WNT6: variants seen among roughly 807,000 people sequenced by gnomAD.
WNT6 encodes the protein Wnt family member 6.
WNT6 carries 27 observed loss-of-function variants against 33.1 expected under a neutral mutation model. The observed-to-expected ratio is 0.82, with a 90% confidence interval of 0.60 to 1.12. The LOEUF is 1.12. Among genes scored for constraint, WNT6 ranks in the 50% most tolerant of loss-of-function variants. WNT6 has a pLI of 0.00. For synonymous variants in WNT6, 249 were observed against 242.8 expected (o/e 1.03, Z -0.24); for missense variants, 494 against 535.3 (o/e 0.92, Z 0.76).
intron 1 of WNT6, among the ~76,000 whole-genome samples, chr2:218,864,245 G>GT (rs1427003535): frequency 6.6e-6 from 1 of 151,964 alleles, no homozygotes; most frequent in Non-Finnish European, 1.5e-5. Flanking sequence ...TCTTTCCTCT[G>GT]TTTTTTTCTT....
At chr2:218,870,858 C>T (rs921837276) in intron 1 of WNT6, among the ~76,000 whole-genome samples, 169 bp from the exon 2 acceptor site, 2 of 152,264 alleles carry the variant, frequency 1.3e-5, no homozygotes, top group African/African-American at 2.4e-5. Context: ...GGGACACAGA[C>T]ATGGACTAGC....
At chr2:218,861,821 T>G (rs1944312524) in intron 1 of WNT6, among the ~76,000 whole-genome samples, 1 of 152,174 alleles carries the variant, frequency 6.6e-6, no homozygotes, top group African/African-American at 2.4e-5. Flanking sequence ...TTGCCTTCTC[T>G]GCGCTCCCAC....
Position 218,867,254 on chromosome 2 carries a change from C to A in WNT6, c.81-3773C>A, listed in dbSNP as rs139741270. Among the ~76,000 whole-genome samples the A allele has an allele frequency of 6.6e-6, 1 of 152,296 alleles. No individual in the cohort carries two copies. Among genetic ancestry groups the A allele is most frequent in the Admixed American group, 6.5e-5 (1 of 15,294 alleles). On this transcript the variant is annotated intron_variant, in intron 1 of 3. Transcript: ENST00000233948. The surrounding 1 kb of genome is among the most constrained non-coding windows in gnomAD (Gnocchi z 4.9). ...GTGTCTTGCAATAGGGATCCCTCCA[C>A]CAGTGGCCAGAGTCAGTCGCCTCCT...
In WNT6 at chr2:218,871,709, G is replaced by A; in HGVS notation, c.526G>A (p.Val176Met). 8.2e-6 allele frequency: 13 copies of A among 1,587,586 alleles called. No homozygotes were observed. The highest frequency in any genetic ancestry group is 1.1e-5 in the Non-Finnish European group (13 of 1,168,180). Residue 176 changes from valine (V) to methionine (M), a missense_variant, in exon 3 of 4, where the codon GTG becomes ATG. Transcript: ENST00000233948. The surrounding 1 kb of genome is among the most constrained non-coding windows in gnomAD (Gnocchi z 6.4). ...GGAGTGGGGAGGCTGCGGCGACGAC[G>A]TGGACTTCGGGGACGAGAAGTCGAG... ...AWEWGGCGDD[V>M]DFGDEKSRLF...
Position 218,873,315 on chromosome 2 carries a change from G to T in WNT6, c.637-69G>T. On this transcript the variant is annotated intron_variant, in intron 3 of 3. Coordinates refer to ENST00000233948, the MANE Select transcript of WNT6 (RefSeq NM_006522.4). This position sits in a 1 kb window ranked among gnomAD's most constrained non-coding sequence, Gnocchi z 6.1. ...CCTCCCATTCCCAATCTTATTTTCT[G>T]TCCATCCGCTGGGCCCTTCCCTGCA... 1.4e-6 allele frequency: 2 copies of T among 1,412,392 alleles called. No homozygotes were observed. Among genetic ancestry groups the T allele is most frequent in the East Asian group, 2.6e-5 (1 of 38,270 alleles). 87.5% of individuals were successfully genotyped at this position (1,412,392 alleles called of 1,614,324 possible). A position where few individuals can be genotyped will look rare whatever the true frequency, so the allele number is the denominator to read the frequency against.
intron 1 of WNT6, among the ~76,000 whole-genome samples, chr2:218,865,471 T>C (rs531975698): frequency 5.3e-5 from 8 of 152,310 alleles, no homozygotes; most frequent in Admixed American, 3.9e-4. Context: ...AGAAAGTAGA[T>C]CTAGAAAGCA....
Position 218,871,039 on chromosome 2 carries a change from C to T in WNT6, c.93C>T (p.Ser31=). ...HVGGLWWAVG[S]PLVMDPTSIC... is the part of the protein sequence containing the mutation. ...CTCTGCTTTCCAGGGCTGTGGGCAG[C>T]CCCTTGGTTATGGACCCTACCAGCA... Residue 31 remains serine, a synonymous_variant, in exon 2 of 4, where the codon AGC becomes AGT. Coordinates refer to ENST00000233948, the MANE Select transcript of WNT6 (RefSeq NM_006522.4). The surrounding 1 kb of genome is among the most constrained non-coding windows in gnomAD (Gnocchi z 6.4). 2.5e-6 allele frequency: 4 copies of T among 1,609,110 alleles called. No homozygotes were observed. In the South Asian group the frequency reaches 3.3e-5, roughly 13 times the overall value.
Position 218,860,054 on chromosome 2 carries a change from C to A in WNT6, c.17C>A (p.Pro6His). MLPPL[P>H]SRLGLLLLLL... ...GCGGTCACGATGCTGCCGCCCTTAC[C>A]CTCCCGCCTCGGGCTGCTGCTGCTG... Residue 6 changes from proline to histidine, a missense_variant, in exon 1 of 4, where the codon CCC becomes CAC. Transcript: ENST00000233948. 1 of 1,517,756 alleles carries A rather than the reference C, an allele frequency of 6.6e-7. No individual in the cohort carries two copies. Among genetic ancestry groups the A allele is most frequent in the Non-Finnish European group, 8.8e-7 (1 of 1,138,572 alleles). 94.0% of individuals were successfully genotyped at this position (1,517,756 alleles called of 1,614,324 possible). A position where few individuals can be genotyped will look rare whatever the true frequency, so the allele number is the denominator to read the frequency against.
At chr2:218,870,989 T>A in intron 1 of WNT6, 38 bp from the exon 2 acceptor site, 1 of 1,537,010 alleles carries the variant, frequency 6.5e-7, no homozygotes, top group Non-Finnish European at 8.8e-7. Flanking sequence ...AGCCCTTTTT[T>A]GGGTTACACC....
Position 218,873,387 on chromosome 2 carries a change from G to T in WNT6, c.640G>T (p.Val214Leu). 1 of 1,534,436 alleles carries T rather than the reference G, an allele frequency of 6.5e-7. No homozygotes were observed. The highest frequency in any genetic ancestry group is 8.7e-7 in the Non-Finnish European group (1 of 1,145,596). Reference sequence around the variant, plus strand: ...TCCGCCCCTCTGCCTCCCGCAGGCCGTGCGGAGCCACACGCGCACCGAGTG... The same window carrying T: ...TCCGCCCCTCTGCCTCCCGCAGGCCTTGCGGAGCCACACGCGCACCGAGTG... The part of the protein sequence containing the change: ...LHNNEAGRLA[V>L]RSHTRTECKC... Residue 214 changes from valine (V) to leucine (L), a missense_variant, in exon 4 of 4, where the codon GTG (valine) becomes TTG (leucine). Coordinates refer to ENST00000233948, the MANE Select transcript of WNT6 (RefSeq NM_006522.4). This position sits in a 1 kb window ranked among gnomAD's most constrained non-coding sequence, Gnocchi z 6.1.
At chr2:218,861,904 C>G (rs982881753) in intron 1 of WNT6, among the ~76,000 whole-genome samples, 3 of 152,222 alleles carry the variant, frequency 2.0e-5, no homozygotes, top group Non-Finnish European at 2.9e-5. Flanking sequence ...TCTCTCTTCC[C>G]TGCTCCTGGA....
At chr2:218,870,934 C>T (rs1479764858) in intron 1 of WNT6, 93 bp from the exon 2 acceptor site, 2 of 1,258,100 alleles carry the variant, frequency 1.6e-6, no homozygotes, top group African/African-American at 3.0e-5. Flanking sequence ...TGTCACAGCT[C>T]CCGCTGCGGG....
intron 1 of WNT6, among the ~76,000 whole-genome samples, chr2:218,862,332 C>A (rs1944316248): frequency 6.6e-6 from 1 of 152,252 alleles, no homozygotes; most frequent in East Asian, 1.9e-4. Flanking sequence ...GTTTTTCTTT[C>A]TTTATTTCTA....
At chr2:218,869,246 G>A (rs1944379618) in intron 1 of WNT6, among the ~76,000 whole-genome samples, 2 of 152,238 alleles carry the variant, frequency 1.3e-5, no homozygotes, top group Non-Finnish European at 2.9e-5. Flanking sequence ...GCATGAGAAT[G>A]CACGTGCACA....
chr2:218,871,174 C>T lies in WNT6; in HGVS notation c.228C>T (p.Cys76=), dbSNP rs1944396639. Residue 76 remains cysteine, a synonymous_variant, in exon 2 of 4, where the codon TGC becomes TGT. Transcript: ENST00000233948. The surrounding 1 kb of genome is among the most constrained non-coding windows in gnomAD (Gnocchi z 6.4). The stretch of plus-strand genomic sequence containing the variant: ...GCGCCCGGCTCGGGGTGCGAGAGTG[C>T]CAGTTCCAGTTCCGCTTCCGCCGCT... ...ARGARLGVRE[C]QFQFRFRRWN... 1.2e-6 allele frequency: 2 copies of T among 1,613,566 alleles called. No homozygotes were observed. Among genetic ancestry groups the T allele is most frequent in the Admixed American group, 1.7e-5 (1 of 60,008 alleles).
In WNT6 at chr2:218,873,401, G is replaced by T. The variant is rs1156672378; in HGVS notation, c.654G>T (p.Thr218=). ...EAGRLAVRSH[T]RTECKCHGLS... ...TCCCGCAGGCCGTGCGGAGCCACACGCGCACCGAGTGCAAATGCCACGGGC... is the reference window on the plus strand; with the variant it reads ...TCCCGCAGGCCGTGCGGAGCCACACTCGCACCGAGTGCAAATGCCACGGGC... The change falls in exon 4 of 4, where the codon ACG becomes ACT. Residue 218 remains threonine (T), a synonymous_variant. Coordinates refer to ENST00000233948, the MANE Select transcript of WNT6 (RefSeq NM_006522.4). The surrounding 1 kb of genome is among the most constrained non-coding windows in gnomAD (Gnocchi z 6.1). 1 of 1,536,200 alleles carries T rather than the reference G, an allele frequency of 6.5e-7. No homozygotes were observed. The highest frequency in any genetic ancestry group is 8.7e-7 in the Non-Finnish European group (1 of 1,146,230).
intron 1 of WNT6, among the ~76,000 whole-genome samples, chr2:218,862,531 A>C (rs1420716570): frequency 6.6e-6 from 1 of 151,636 alleles, no homozygotes; most frequent in East Asian, 1.9e-4. Context: ...TTTTTAGTAG[A>C]GGTTTCACCA....
At chr2:218,861,246 T>C (rs1162218671) in intron 1 of WNT6, among the ~76,000 whole-genome samples, 1 of 152,010 alleles carries the variant, frequency 6.6e-6, no homozygotes, top group African/African-American at 2.4e-5. Context: ...CGGAGAGCCG[T>C]CCGACGCTAG....
chr2:218,865,006 A>T (rs1246743475), intron 1 of WNT6, among the ~76,000 whole-genome samples: 1 of 152,224 alleles, frequency 6.6e-6, no homozygotes, highest in Non-Finnish European at 1.5e-5. Context: ...GGGCAGGGGC[A>T]GAAGGAGGCT....
Sources: gnomAD v4.1 joint callset for allele counts (sites outside exome capture counted in the v4.1 genomes callset) on GRCh38, gnomAD v4.1.1 for gene constraint, Gnocchi (gnomAD v3.1) non-coding constraint, MANE v1.5 for transcripts, NCBI Gene and HGNC (gene_info 2026-07-23, HGNC 2026-07-21) for gene names.